Variants in LRRC4C observed in about 807,000 individuals in gnomAD.
The protein encoded by LRRC4C is leucine rich repeat containing 4C.
In LRRC4C, 5 loss-of-function variants were observed where a neutral mutation model predicts 33.6. That is an observed-to-expected ratio of 0.15 (90% CI 0.08 to 0.31). The LOEUF (loss-of-function observed/expected upper bound fraction) is 0.31. Among genes scored for constraint, LRRC4C ranks in the 10% least tolerant of loss-of-function variants. The pLI is 1.00. For synonymous variants in LRRC4C, 329 were observed against 302.0 expected, an observed-to-expected ratio of 1.09 and a Z score of -0.93; for missense variants, 560 against 796.7, an observed-to-expected ratio of 0.70 and a Z score of 3.58.
At chr11:40,408,344 G>A (rs1192037789) in intron 3 of LRRC4C, among the ~76,000 whole-genome samples, 1 of 151,786 alleles carries the variant, frequency 6.6e-6, no homozygotes, top group Non-Finnish European at 1.5e-5. Flanking sequence ...TAATTTCTCT[G>A]TATAAAAACC....
chr11:40,671,446 A>AAAGTT (rs1482658747), intron 2 of LRRC4C, among the ~76,000 whole-genome samples: 12 of 152,216 alleles, frequency 7.9e-5, no homozygotes, highest in Non-Finnish European at 8.8e-5. Context: ...ATTGGGAAGC[A>AAAGTT]GATAGAGAAA....
intron 3 of LRRC4C, among the ~76,000 whole-genome samples, chr11:40,424,601 G>A (rs1439175792): frequency 6.6e-6 from 1 of 152,278 alleles, no homozygotes; most frequent in South Asian, 2.1e-4. Flanking sequence ...ACAACATCAA[G>A]AAAAGACCAG....
chr11:40,998,955 T>C (rs1183912250), intron 1 of LRRC4C, among the ~76,000 whole-genome samples: 1 of 152,074 alleles, frequency 6.6e-6, no homozygotes, highest in East Asian at 1.9e-4. Flanking sequence ...AATTCTTAAA[T>C]GAGAGTGCCA....
intron 2 of LRRC4C, among the ~76,000 whole-genome samples, chr11:40,923,715 G>A (rs1957289231): frequency 1.3e-5 from 2 of 152,076 alleles, no homozygotes; most frequent in Non-Finnish European, 2.9e-5. Flanking sequence ...ATATCTAAAA[G>A]AAGAATGCTG....
chr11:40,873,131 C>A (rs1954730514), intron 2 of LRRC4C, among the ~76,000 whole-genome samples: 2 of 152,088 alleles, frequency 1.3e-5, no homozygotes, highest in African/African-American at 4.8e-5. Context: ...GGTTCAAATT[C>A]TATTAGCAGA....
intron 3 of LRRC4C, among the ~76,000 whole-genome samples, chr11:40,523,580 A>C (rs1044142789): frequency 4.7e-5 from 7 of 148,558 alleles, no homozygotes; most frequent in Non-Finnish European, 8.9e-5. Context: ...TAAAATATAG[A>C]TTTATATATA....
chr11:40,817,399 C>A (rs1469543379), intron 2 of LRRC4C, among the ~76,000 whole-genome samples: 2 of 152,150 alleles, frequency 1.3e-5, no homozygotes, highest in Admixed American at 1.3e-4. Context: ...ATCCTTTTAA[C>A]TCATAATGAT....
chr11:40,911,254 A>C (rs1408203152), intron 2 of LRRC4C, among the ~76,000 whole-genome samples: 1 of 152,142 alleles, frequency 6.6e-6, no homozygotes, highest in Non-Finnish European at 1.5e-5. Flanking sequence ...CGTCCTCAAG[A>C]GGGTCCCTGA....
At chr11:41,066,247 A>T (rs974647183) in intron 1 of LRRC4C, among the ~76,000 whole-genome samples, 3 of 152,234 alleles carry the variant, frequency 2.0e-5, no homozygotes, top group Admixed American at 6.5e-5. Flanking sequence ...TGAAAAACAC[A>T]GCATGAGAAC....
chr11:40,713,248 C>A (rs947247142), intron 2 of LRRC4C, among the ~76,000 whole-genome samples: 82 of 152,144 alleles, frequency 5.4e-4, no homozygotes, highest in East Asian at 2.1e-3. Flanking sequence ...TTGTAGAGGG[C>A]AGACTAAGTT....
At chr11:40,391,213 T>A (rs902824288) in intron 3 of LRRC4C, among the ~76,000 whole-genome samples, 3 of 152,286 alleles carry the variant, frequency 2.0e-5, no homozygotes, top group Non-Finnish European at 4.4e-5. Flanking sequence ...TCTTTCCTTT[T>A]AATATCTCAA....
chr11:41,022,139 GTT>G (rs138056535), intron 1 of LRRC4C, among the ~76,000 whole-genome samples: 4 of 106,750 alleles, frequency 3.7e-5, no homozygotes, highest in Non-Finnish European at 8.2e-5. Context: ...TTACAATTTT[GTT>G]TTATATATAT....
chr11:40,982,442 TAAAC>T (rs1852610330), intron 1 of LRRC4C, among the ~76,000 whole-genome samples: 1 of 152,138 alleles, frequency 6.6e-6, no homozygotes, highest in Non-Finnish European at 1.5e-5. Flanking sequence ...GTTTATAAAT[TAAAC>T]AAACACATTG....
At chr11:40,185,750 G>T (rs1438966755) in intron 5 of LRRC4C, among the ~76,000 whole-genome samples, 2 of 152,164 alleles carry the variant, frequency 1.3e-5, no homozygotes, top group African/African-American at 2.4e-5. Context: ...TAGTTATAAA[G>T]TAATGGAGAT....
intron 2 of LRRC4C, among the ~76,000 whole-genome samples, chr11:40,887,550 G>GA (rs1458127731): frequency 6.6e-6 from 1 of 151,990 alleles, no homozygotes; most frequent in East Asian, 1.9e-4. Flanking sequence ...TTGTGGAAGA[G>GA]AAAATAAACT....
chr11:40,767,704 A>G (rs1436932852), intron 2 of LRRC4C, among the ~76,000 whole-genome samples: 1 of 152,106 alleles, frequency 6.6e-6, no homozygotes, highest in African/African-American at 2.4e-5. Flanking sequence ...AAAGTAAACC[A>G]TATGCTCCTA....
At chr11:41,379,261 C>A (rs1170789610) in intron 1 of LRRC4C, among the ~76,000 whole-genome samples, 1 of 152,104 alleles carries the variant, frequency 6.6e-6, no homozygotes, top group East Asian at 1.9e-4. Context: ...TACATTCATG[C>A]ATAAATTATG....
chr11:40,658,300 T>A (rs1289190973), intron 2 of LRRC4C, among the ~76,000 whole-genome samples: 1 of 152,118 alleles, frequency 6.6e-6, no homozygotes, highest in Admixed American at 6.5e-5. Context: ...AGAGCCTTAT[T>A]TAAGGTTGAA....
chr11:40,290,411 C>T (rs1944115393), intron 4 of LRRC4C, among the ~76,000 whole-genome samples: 1 of 152,302 alleles, frequency 6.6e-6, no homozygotes, highest in East Asian at 1.9e-4. Flanking sequence ...ATTGCCTGAT[C>T]TGTGTTCCAA....
Sources: gnomAD v4.1 joint callset for allele counts (sites outside exome capture counted in the v4.1 genomes callset) on GRCh38, gnomAD v4.1.1 for gene constraint, MANE v1.5 for transcripts, NCBI Gene and HGNC (gene_info 2026-07-23, HGNC 2026-07-21) for gene names.